Variants in OCA2 observed in about 807,000 individuals in gnomAD.
OCA2 encodes P protein.
In OCA2, 77 loss-of-function variants were observed where a neutral mutation model predicts 100.2. The observed-to-expected ratio is 0.77, with a 90% CI of 0.64 to 0.93. The LOEUF (loss-of-function observed/expected upper bound fraction) is 0.93. OCA2 is among the 40% of genes least tolerant of loss of function. OCA2 has a pLI of 0.00. For missense variants in OCA2, 1,062 were observed against 1,089.1 expected (o/e 0.98, Z 0.35); for synonymous variants, 432 against 439.2 (o/e 0.98, Z 0.21).
chr15:28,019,115 C>G (rs773238387), intron 6 of OCA2, among the ~76,000 whole-genome samples: 8 of 152,126 alleles, frequency 5.3e-5, no homozygotes, highest in Admixed American at 3.3e-4. Context: ...CTCCTCCCCT[C>G]TGAATCTCAC....
chr15:28,073,994 TGACA>T (rs2044346395), intron 2 of OCA2, among the ~76,000 whole-genome samples: 1 of 123,960 alleles, frequency 8.1e-6, no homozygotes, highest in African/African-American at 4.2e-5. Flanking sequence ...AGTGATAAAA[TGACA>T]GACAGACACA....
chr15:28,046,472 A>G (rs548615856), intron 2 of OCA2, among the ~76,000 whole-genome samples: 8 of 152,222 alleles, frequency 5.3e-5, no homozygotes, highest in African/African-American at 9.6e-5. Flanking sequence ...CATCAGCCAC[A>G]AGGGTCTTTC....
intron 21 of OCA2, among the ~76,000 whole-genome samples, chr15:27,854,297 C>T (rs75564730): frequency 0.016 from 2,492 of 152,292 alleles, 74 homozygotes; most frequent in African/African-American, 0.056. Flanking sequence ...CCAGCCCCAG[C>T]GGAGTCCAGA....
intron 23 of OCA2, among the ~76,000 whole-genome samples, chr15:27,832,304 G>A (rs368432696): frequency 1.9e-3 from 284 of 152,218 alleles, no homozygotes; most frequent in African/African-American, 6.7e-3. Context: ...GGGGCCACTC[G>A]GTCCTCCTCT....
intron 17 of OCA2, among the ~76,000 whole-genome samples, chr15:27,953,759 T>A (rs940800462): frequency 1.1e-4 from 16 of 152,228 alleles, no homozygotes; most frequent in Non-Finnish European, 2.2e-4. Context: ...CTTTTTTTTT[T>A]CTTTTTCTTA....
At chr15:27,758,791 G>GA (rs1444249218) in intron 23 of OCA2, among the ~76,000 whole-genome samples, 1 of 151,972 alleles carries the variant, frequency 6.6e-6, no homozygotes, top group African/African-American at 2.4e-5. Flanking sequence ...TCTGAAAAAT[G>GA]AAAAAAGACT....
intron 1 of OCA2, among the ~76,000 whole-genome samples, chr15:28,082,831 G>A (rs973365662): frequency 1.3e-5 from 2 of 151,288 alleles, no homozygotes; most frequent in African/African-American, 4.9e-5. Flanking sequence ...CTATTCTGGT[G>A]AGAATATAAT....
In OCA2 at chr15:27,957,556, A is replaced by G; in HGVS notation, c.1784+32T>C. 6.2e-7 allele frequency: 1 copy of G among 1,610,870 alleles called. No homozygotes were observed. The highest frequency in any genetic ancestry group is 8.5e-7 in the Non-Finnish European group (1 of 1,179,364). ...CCCATGGAATGTTCTGCTGCACACC[A>G]AGCACAGTCTGAGCAGGACCCCGCC... On this transcript the variant is annotated intron_variant, in intron 16 of 23. Transcript: ENST00000354638. This position sits in a 1 kb window ranked among gnomAD's most constrained non-coding sequence, Gnocchi z 4.3.
intron 23 of OCA2, among the ~76,000 whole-genome samples, chr15:27,784,783 A>T (rs529301120): frequency 1.8e-4 from 28 of 152,336 alleles, no homozygotes; most frequent in African/African-American, 6.3e-4. Flanking sequence ...AAATTGCCCA[A>T]ACTGAAACAT....
At chr15:27,899,707 A>G (rs1057310422) in intron 19 of OCA2, among the ~76,000 whole-genome samples, 7 of 152,218 alleles carry the variant, frequency 4.6e-5, no homozygotes, top group African/African-American at 1.7e-4. Flanking sequence ...ACTTGATAGA[A>G]CAGTGGCCTG....
chr15:27,811,997 C>T (rs1195010656), intron 23 of OCA2, among the ~76,000 whole-genome samples: 1 of 152,174 alleles, frequency 6.6e-6, no homozygotes, highest in African/African-American at 2.4e-5. Flanking sequence ...TATTTCAAAC[C>T]ACTTTTTAAA....
intron 1 of OCA2, among the ~76,000 whole-genome samples, chr15:28,091,541 G>A (rs1011428994): frequency 1.3e-5 from 2 of 152,220 alleles, no homozygotes; most frequent in African/African-American, 4.8e-5. Flanking sequence ...TGAACATGGA[G>A]CTACCATATG....
intron 1 of OCA2, among the ~76,000 whole-genome samples, chr15:28,082,995 G>A (rs2044700856): frequency 6.6e-6 from 1 of 152,192 alleles, no homozygotes; most frequent in Non-Finnish European, 1.5e-5. Flanking sequence ...CAGCCACTTG[G>A]TTTGCTGTCC....
chr15:27,742,758 G>A, the OCA2 span, among the ~76,000 whole-genome samples: 7 of 152,154 alleles, frequency 4.6e-5, no homozygotes, highest in Admixed American at 1.3e-4. Flanking sequence ...GATAGAATCC[G>A]AAATGATGCG....
the OCA2 span, among the ~76,000 whole-genome samples, chr15:27,719,294 G>A: frequency 6.6e-6 from 1 of 152,124 alleles, no homozygotes; most frequent in African/African-American, 2.4e-5. Context: ...GCTTTTCTCT[G>A]TGCGAGTACA....
chr15:27,908,619 C>T (rs1226245742), intron 19 of OCA2, among the ~76,000 whole-genome samples: 2 of 152,088 alleles, frequency 1.3e-5, no homozygotes, highest in African/African-American at 2.4e-5. Flanking sequence ...GGGGAAAAGA[C>T]GAATGTGGAG....
intron 19 of OCA2, among the ~76,000 whole-genome samples, chr15:27,888,099 C>CT (rs2037306882): frequency 6.6e-6 from 1 of 152,176 alleles, no homozygotes; most frequent in South Asian, 2.1e-4. Context: ...ATGGAAGCCT[C>CT]TTCACTTCTG....
At chr15:27,845,713 C>A (rs1358446868) in intron 22 of OCA2, among the ~76,000 whole-genome samples, 3 of 152,170 alleles carry the variant, frequency 2.0e-5, no homozygotes, top group African/African-American at 7.2e-5. Flanking sequence ...TCGCTCCCAG[C>A]CATCGTGGTC....
intron 19 of OCA2, among the ~76,000 whole-genome samples, chr15:27,878,082 T>G (rs975748061): frequency 2.6e-5 from 4 of 151,876 alleles, no homozygotes; most frequent in African/African-American, 9.7e-5. Context: ...TCTACAAAGT[T>G]TTATTGCATC....
Sources: allele counts gnomAD v4.1 joint callset (sites outside exome capture counted in the v4.1 genomes callset), GRCh38; gene constraint gnomAD v4.1.1; non-coding constraint Gnocchi (gnomAD v3.1); transcripts MANE v1.5; gene names NCBI Gene and HGNC (gene_info 2026-07-23, HGNC 2026-07-21).